The following CLEC16A variants were observed in gnomAD, a reference collection of about 807,000 sequenced individuals.
CLEC16A encodes C-type lectin domain containing 16A.
A neutral mutation model predicts 109.5 loss-of-function variants in CLEC16A; 51 were observed. The ratio of observed to expected loss-of-function variants is 0.47; its 90% CI spans 0.37 to 0.59. The LOEUF is 0.59. Among genes scored for constraint, CLEC16A ranks in the 20% least tolerant of loss-of-function variants. The pLI is 0.00. For synonymous variants in CLEC16A, 673 were observed against 564.2 expected, an observed-to-expected ratio of 1.19 and a Z score of -2.73; for missense variants, 1,339 against 1,394.0, an observed-to-expected ratio of 0.96 and a Z score of 0.63.
At chr16:11,150,799 C>T (rs994857530) in intron 22 of CLEC16A, among the ~76,000 whole-genome samples, 1 of 152,168 alleles carries the variant, frequency 6.6e-6, no homozygotes, top group African/African-American at 2.4e-5. Flanking sequence ...CTGGTTTCCT[C>T]TGAGGGGTGT....
rs1486947139 is a variant in CLEC16A at position 10,976,833 on chromosome 16, C to G, written c.729-392C>G. ...CAGGGCCACTGGGGTGGCCACGGCTCTGGAGGCCTGCTTTTCTCTTTAGAA... is the reference window on the plus strand; with the variant it reads ...CAGGGCCACTGGGGTGGCCACGGCTGTGGAGGCCTGCTTTTCTCTTTAGAA... On this transcript the variant is annotated intron_variant, in intron 7 of 23. Transcript: ENST00000409790. Among the ~76,000 whole-genome samples the G allele has an allele frequency of 2.6e-5, 4 of 152,356 alleles. No homozygotes were observed. In the South Asian group the frequency reaches 8.3e-4, roughly 32 times the overall value.
intron 19 of CLEC16A, among the ~76,000 whole-genome samples, chr16:11,086,743 A>C (rs1048067471): frequency 6.6e-6 from 1 of 152,062 alleles, no homozygotes; most frequent in Non-Finnish European, 1.5e-5. Context: ...GTGTTTCACC[A>C]TGTTGTCCAG....
intron 11 of CLEC16A, among the ~76,000 whole-genome samples, chr16:11,009,693 C>G (rs1271908354): frequency 6.6e-6 from 1 of 152,184 alleles, no homozygotes; most frequent in Admixed American, 6.5e-5. Flanking sequence ...CTCATTTCCA[C>G]AACTTAAGGG....
chr16:10,986,803 A>G (rs937516180), intron 10 of CLEC16A, among the ~76,000 whole-genome samples: 2 of 147,438 alleles, frequency 1.4e-5, no homozygotes, highest in African/African-American at 5.1e-5. Context: ...TTCTTTATCC[A>G]TTTATCCATC....
chr16:11,042,390 T>C (rs200680220), intron 15 of CLEC16A, 27 bp downstream of exon 15: 33 of 1,520,758 alleles, frequency 2.2e-5, no homozygotes, highest in Non-Finnish European at 2.9e-5. Context: ...TCCTCCTTCC[T>C]GTGGGCCAAG....
chr16:11,053,357 T>A (rs1418316719), intron 18 of CLEC16A, among the ~76,000 whole-genome samples: 1 of 152,032 alleles, frequency 6.6e-6, no homozygotes, highest in East Asian at 1.9e-4. Flanking sequence ...ATTATCCCCA[T>A]TTTACAGAGG....
chr16:10,982,506 C>A (rs1341476137), intron 9 of CLEC16A, among the ~76,000 whole-genome samples: 1 of 152,208 alleles, frequency 6.6e-6, no homozygotes, highest in Non-Finnish European at 1.5e-5. Context: ...TTCTAGTCTT[C>A]TCATAACCAA....
At chr16:11,030,955 A>G (rs1336590341) in intron 13 of CLEC16A, among the ~76,000 whole-genome samples, 1 of 152,250 alleles carries the variant, frequency 6.6e-6, no homozygotes, top group African/African-American at 2.4e-5. Context: ...GCATTTAGCA[A>G]TGATTTCCCC....
At chr16:10,970,114 T>A (rs2042709256) in intron 4 of CLEC16A, among the ~76,000 whole-genome samples, 1 of 152,186 alleles carries the variant, frequency 6.6e-6, no homozygotes, top group Non-Finnish European at 1.5e-5. Flanking sequence ...CAGGCACTGG[T>A]CGTGCTGGGG....
intron 19 of CLEC16A, among the ~76,000 whole-genome samples, chr16:11,082,904 A>G (rs553828175): frequency 6.6e-6 from 1 of 152,168 alleles, no homozygotes; most frequent in Non-Finnish European, 1.5e-5. Context: ...TTCTCCATCC[A>G]GTTAGGGAGA....
intron 19 of CLEC16A, among the ~76,000 whole-genome samples, chr16:11,088,775 C>G (rs1465298763): frequency 2.6e-5 from 4 of 152,228 alleles, no homozygotes; most frequent in Admixed American, 6.5e-5. Context: ...GTACCCATCA[C>G]TTACCCATGG....
intron 23 of CLEC16A, among the ~76,000 whole-genome samples, chr16:11,167,367 A>G (rs1388681011): frequency 1.3e-5 from 2 of 152,078 alleles, no homozygotes; most frequent in Non-Finnish European, 2.9e-5. Context: ...GATCCTTAGT[A>G]TCCTTCACTG....
intron 22 of CLEC16A, among the ~76,000 whole-genome samples, chr16:11,139,891 T>C (rs2053743090): frequency 6.6e-6 from 1 of 152,242 alleles, no homozygotes; most frequent in South Asian, 2.1e-4. Context: ...GAATGCCAAC[T>C]ATGTGCTAGG....
chr16:11,142,455 C>T lies in CLEC16A; in HGVS notation c.2641+16309C>T, dbSNP rs531989944. ...TAAGCAGCTGTCTAGGCTTCATGAG[C>T]CGAGTGGCATTTGCCCGATAGGTGT... On this transcript the variant is annotated intron_variant, in intron 22 of 23. Transcript: ENST00000409790. Among the ~76,000 whole-genome samples the T allele has an allele frequency of 3.9e-5, 6 of 152,384 alleles. No individual in the cohort carries two copies. The East Asian group carries it at 1.2e-3, about 29-fold the overall frequency.
chr16:11,081,705 G>T (rs1179269519), intron 19 of CLEC16A, among the ~76,000 whole-genome samples: 1 of 152,148 alleles, frequency 6.6e-6, no homozygotes, highest in East Asian at 1.9e-4. Flanking sequence ...GAGCCAGGAG[G>T]AATTTTAACC....
At chr16:11,081,998 C>T (rs1385848586) in intron 19 of CLEC16A, among the ~76,000 whole-genome samples, 1 of 152,122 alleles carries the variant, frequency 6.6e-6, no homozygotes, top group Non-Finnish European at 1.5e-5. Flanking sequence ...CACTACTGCA[C>T]TCCAGCCTGG....
intron 12 of CLEC16A, chr16:11,024,040 G>A (rs1046560204): frequency 1.3e-5 from 2 of 152,252 alleles, no homozygotes; most frequent in African/African-American, 4.8e-5. Context: ...CATCAGAGGT[G>A]AGAGACCTCA....
rs900853139 is a variant in CLEC16A, at chr16:10,997,259, G to A, written c.1072-5815G>A. On this transcript the variant is annotated intron_variant, in intron 10 of 23. Coordinates refer to ENST00000409790, the MANE Select transcript of CLEC16A (RefSeq NM_015226.3). ...TTACAGGCATGAGCCACTGCGCCCAGCCTGGGAAAGTTTTTAAATTGAGGA... is the reference window on the plus strand; with the variant it reads ...TTACAGGCATGAGCCACTGCGCCCAACCTGGGAAAGTTTTTAAATTGAGGA... Among the ~76,000 whole-genome samples, 8 of 152,348 alleles carry A rather than the reference G, an allele frequency of 5.3e-5. No homozygotes were observed. The South Asian group carries it at 8.3e-4, about 16-fold the overall frequency.
intron 10 of CLEC16A, among the ~76,000 whole-genome samples, chr16:10,985,232 T>G (rs2146834171): frequency 1.4e-5 from 2 of 146,520 alleles, no homozygotes; most frequent in Middle Eastern, 7.0e-3. Context: ...TATATATATA[T>G]ATATAGTGCC....
Sources: gnomAD v4.1 joint callset for allele counts (sites outside exome capture counted in the v4.1 genomes callset) on GRCh38, gnomAD v4.1.1 for gene constraint, MANE v1.5 for transcripts, NCBI Gene and HGNC (gene_info 2026-07-23, HGNC 2026-07-21) for gene names.